The following PEX3 variants were observed in gnomAD, a reference collection of about 807,000 sequenced individuals.
PEX3 encodes the protein peroxin-3.
In PEX3, 30 loss-of-function variants were observed where a neutral mutation model predicts 55.8. That is an observed-to-expected ratio of 0.54 (90% confidence interval 0.40 to 0.73). The LOEUF is 0.73. Among genes scored for constraint, PEX3 ranks in the 30% least tolerant of loss-of-function variants. The pLI, the probability that PEX3 is intolerant of heterozygous loss-of-function variation, is 0.00. For synonymous variants in PEX3, 135 were observed against 148.4 expected (o/e 0.91, Z 0.66); for missense variants, 351 against 432.8 (o/e 0.81, Z 1.68).
At chr6:143,477,959 AC>A (rs1276207617) in intron 9 of PEX3, among the ~76,000 whole-genome samples, 1 of 152,190 alleles carries the variant, frequency 6.6e-6, no homozygotes, top group Non-Finnish European at 1.5e-5. Context: ...ACATCTCTAG[AC>A]AAAAACTTGT....
At chr6:143,472,464 C>G (rs1311218326) in intron 8 of PEX3, 136 bp downstream of exon 8, 3 of 674,626 alleles carry the variant, frequency 4.4e-6, no homozygotes. Flanking sequence ...GAAGTAAAAC[C>G]CATTAATTTA....
Position 143,462,870 on chromosome 6 carries a change from G to A in PEX3, c.206-46G>A, listed in dbSNP as rs751880055. ...CAATGCGCATTTCTTAGTGAGGGCA[G>A]TCATATCACTTGTGACCTTTTTTAT... On this transcript the variant is annotated intron_variant, in intron 2 of 11. Transcript: ENST00000367591. The surrounding 1 kb of genome is among the most constrained non-coding windows in gnomAD (Gnocchi z 4.1). 5 of 1,403,172 alleles carry A rather than the reference G, an allele frequency of 3.6e-6. No individual in the cohort carries two copies. The Admixed American group carries it at 8.5e-5, about 24-fold the overall frequency. The allele number at this position is 1,403,172 out of a possible 1,614,324, so 86.9% of individuals were successfully genotyped here. A position where few individuals can be genotyped will look rare whatever the true frequency, so the allele number is the denominator to read the frequency against.
chr6:143,452,118 C>A (rs573783841), intron 1 of PEX3, among the ~76,000 whole-genome samples: 2 of 152,276 alleles, frequency 1.3e-5, no homozygotes, highest in Admixed American at 6.5e-5. Flanking sequence ...AGATTGTATT[C>A]TGTTCTCCCC....
chr6:143,471,565 G>T lies in PEX3; in HGVS notation c.532G>T (p.Glu178Ter), dbSNP rs1287762610. The T allele has an allele frequency of 1.9e-6, 3 of 1,612,226 alleles. No individual in the cohort carries two copies. Among genetic ancestry groups the T allele is most frequent in the Non-Finnish European group, 2.5e-6 (3 of 1,178,698 alleles). The stretch of plus-strand genomic sequence containing the variant: ...TGTTTTTTCTTTAATAGGCCTGACA[G>T]AATTGATCACTGTCATTAAACAAGC... The part of the protein sequence containing the change: ...IQHLLGDGLT[E>*]LITVIKQAVQ... The change falls in exon 7 of 12, where the codon GAA (glutamate) becomes TAA (stop). Residue 178 changes from glutamate (E) to a stop codon, truncating the protein, a stop_gained. Coordinates refer to ENST00000367591, the MANE Select transcript of PEX3 (RefSeq NM_003630.3). LOFTEE classifies it high-confidence loss of function. This position sits in a 1 kb window ranked among gnomAD's most constrained non-coding sequence, Gnocchi z 5.4.
Position 143,471,036 on chromosome 6 carries a change from T to G in PEX3, c.407T>G (p.Ile136Ser). The G allele has an allele frequency of 1.9e-6, 3 of 1,612,374 alleles. No individual in the cohort carries two copies. Among genetic ancestry groups the G allele is most frequent in the Non-Finnish European group, 2.5e-6 (3 of 1,178,484 alleles). The change falls in exon 5 of 12, where the codon ATT becomes AGT. Residue 136 changes from isoleucine to serine, a missense_variant. Physicochemically the swap from Ile to Ser is moderately radical, Grantham distance 142. Coordinates refer to ENST00000367591, the MANE Select transcript of PEX3 (RefSeq NM_003630.3). The surrounding 1 kb of genome is among the most constrained non-coding windows in gnomAD (Gnocchi z 5.4). Reference sequence around the variant, plus strand: ...CTTTTGCGGGTCCAGTTAAACATAATTGGTGGATATATTTACCTGGATAAT... The same window carrying G: ...CTTTTGCGGGTCCAGTTAAACATAAGTGGTGGATATATTTACCTGGATAAT... ...VVLLRVQLNI[I>S]GGYIYLDNAA...
chr6:143,473,602 A>G (rs1211901438), intron 8 of PEX3, among the ~76,000 whole-genome samples: 1 of 152,168 alleles, frequency 6.6e-6, no homozygotes, highest in East Asian at 1.9e-4. Context: ...AAAATCTCTT[A>G]CTGATAAAAG....
At chr6:143,474,730 A>C (rs1262310066) in intron 8 of PEX3, 56 bp from the exon 9 acceptor site, 1 of 889,898 alleles carries the variant, frequency 1.1e-6, no homozygotes, top group African/African-American at 1.6e-5. Context: ...GATTAGTTTC[A>C]TCATAACCCT....
intron 2 of PEX3, among the ~76,000 whole-genome samples, chr6:143,461,085 A>G (rs957765811): frequency 2.0e-5 from 3 of 152,146 alleles, no homozygotes; most frequent in African/African-American, 7.2e-5. Context: ...CAGGTCTGAC[A>G]TTTGTGAAGG....
intron 9 of PEX3, among the ~76,000 whole-genome samples, 157 bp from the exon 10 acceptor site, chr6:143,478,919 T>G (rs1359150143): frequency 6.6e-6 from 1 of 152,138 alleles, no homozygotes; most frequent in Non-Finnish European, 1.5e-5. Context: ...AGCTCATTTT[T>G]AAATACTTTT....
intron 4 of PEX3, among the ~76,000 whole-genome samples, chr6:143,469,461 G>T (rs1407509882): frequency 6.6e-6 from 1 of 152,214 alleles, no homozygotes; most frequent in Non-Finnish European, 1.5e-5. Context: ...TCTGTTGGCT[G>T]CATAAATGTC....
Position 143,471,534 on chromosome 6 carries a change from T to C in PEX3, c.524-23T>C, listed in dbSNP as rs1222421242. The C allele has an allele frequency of 6.3e-7, 1 of 1,599,412 alleles. No homozygotes were observed. The highest frequency in any genetic ancestry group is 8.6e-7 in the Non-Finnish European group (1 of 1,167,146). The stretch of plus-strand genomic sequence containing the variant: ...GAATTTTTAAACTAAGCAAGGCTTT[T>C]AGGTTTGTTTTTTCTTTAATAGGCC... On this transcript the variant is annotated intron_variant, in intron 6 of 11. Coordinates refer to ENST00000367591, the MANE Select transcript of PEX3 (RefSeq NM_003630.3). The surrounding 1 kb of genome is among the most constrained non-coding windows in gnomAD (Gnocchi z 5.4).
Position 143,459,162 on chromosome 6 carries a change from C to G in PEX3, c.151C>G (p.Gln51Glu). Reference sequence around the variant, plus strand: ...AAGGGAGGCTGCAGAATACATTGCCCAAGCACGACGACAATATCATTTTGA... The same window carrying G: ...AAGGGAGGCTGCAGAATACATTGCCGAAGCACGACGACAATATCATTTTGA... The part of the protein sequence containing the change: ...QEREAAEYIA[Q>E]ARRQYHFESN... Residue 51 changes from glutamine (Q) to glutamate (E), a missense_variant, in exon 2 of 12, where the codon CAA becomes GAA. Physicochemically the swap from Gln to Glu is conservative, Grantham distance 29. Coordinates refer to ENST00000367591, the MANE Select transcript of PEX3 (RefSeq NM_003630.3). The surrounding 1 kb of genome is among the most constrained non-coding windows in gnomAD (Gnocchi z 4.2). The G allele has an allele frequency of 1.2e-6, 2 of 1,611,820 alleles. No individual in the cohort carries two copies. Among genetic ancestry groups the G allele is most frequent in the Non-Finnish European group, 1.7e-6 (2 of 1,178,160 alleles).
chr6:143,467,069 A>G (rs948880732), intron 3 of PEX3, among the ~76,000 whole-genome samples: 1 of 152,118 alleles, frequency 6.6e-6, no homozygotes, highest in African/African-American at 2.4e-5. Flanking sequence ...ACTTTGAAAC[A>G]GAAATTTCAT....
At chr6:143,480,830 G>A (rs1780226388) in intron 10 of PEX3, among the ~76,000 whole-genome samples, 2 of 152,026 alleles carry the variant, frequency 1.3e-5, no homozygotes, top group Admixed American at 1.3e-4. Flanking sequence ...GGGAAACATA[G>A]GGAGAGACCC....
chr6:143,461,862 C>T (rs976872890), intron 2 of PEX3, among the ~76,000 whole-genome samples: 4 of 152,118 alleles, frequency 2.6e-5, no homozygotes, highest in African/African-American at 9.7e-5. Flanking sequence ...GCAGGAGGAT[C>T]GCTTGAGCCC....
chr6:143,456,784 C>A (rs1396687143), intron 1 of PEX3, among the ~76,000 whole-genome samples: 1 of 152,134 alleles, frequency 6.6e-6, no homozygotes, highest in African/African-American at 2.4e-5. Context: ...TGTTGGGGCT[C>A]CCATGGCAAT....
In PEX3 at chr6:143,483,985, A is replaced by G. The variant is rs1000627885; in HGVS notation, c.942-1167A>G. Among the ~76,000 whole-genome samples, 1 of 152,040 alleles carries G rather than the reference A, an allele frequency of 6.6e-6. No individual in the cohort carries two copies. Among genetic ancestry groups the G allele is most frequent in the African/African-American group, 2.4e-5 (1 of 41,420 alleles). ...GCCTGCTTCCCTCAGGAATACATAA[A>G]TCTTCCCACTTCCTTTATTCTTTTT... On this transcript the variant is annotated intron_variant, in intron 10 of 11. Transcript: ENST00000367591. This position sits in a 1 kb window ranked among gnomAD's most constrained non-coding sequence, Gnocchi z 4.3.
At chr6:143,468,298 T>C in intron 4 of PEX3, 133 bp downstream of exon 4, 2 of 637,970 alleles carry the variant, frequency 3.1e-6, no homozygotes, top group East Asian at 5.7e-5. Flanking sequence ...ATAGTACAGG[T>C]AAAGCAAATA....
intron 2 of PEX3, among the ~76,000 whole-genome samples, chr6:143,461,120 A>G (rs1028710605): frequency 5.9e-5 from 9 of 152,190 alleles, no homozygotes. Flanking sequence ...AGGAAGAAAG[A>G]TTAGGCAAGA....
Sources: allele counts gnomAD v4.1 joint callset (sites outside exome capture counted in the v4.1 genomes callset), GRCh38; gene constraint gnomAD v4.1.1; non-coding constraint Gnocchi (gnomAD v3.1); transcripts MANE v1.5; gene names NCBI Gene and HGNC (gene_info 2026-07-23, HGNC 2026-07-21).